ACER3: variants seen among roughly 807,000 people sequenced by gnomAD.
ACER3 encodes the protein alkaline ceramidase 3.
Under a neutral mutation model 48.9 loss-of-function variants are expected in ACER3, and 16 were observed. The ratio of observed to expected loss-of-function variants is 0.33; its 90% confidence interval spans 0.22 to 0.50. The LOEUF is 0.50. Ranked by LOEUF, ACER3 falls within the 20% of genes least tolerant of loss-of-function variation. ACER3 has a pLI of 0.98. For missense variants in ACER3, 227 were observed against 326.0 expected (o/e 0.70, Z 2.34); for synonymous variants, 109 against 107.8 (o/e 1.01, Z -0.07).
intron 1 of ACER3, among the ~76,000 whole-genome samples, chr11:76,885,529 AG>A (rs1172676656): frequency 6.6e-6 from 1 of 152,174 alleles, no homozygotes; most frequent in Non-Finnish European, 1.5e-5. Context: ...GGAAAGCACC[AG>A]GGTCAGTCGG....
At chr11:76,978,709 G>A (rs1948507533) in intron 4 of ACER3, 1 of 154,232 alleles carries the variant, frequency 6.5e-6, no homozygotes, top group African/African-American at 2.4e-5. Context: ...GAAGAGCTGT[G>A]GCCCTTCAGG....
At chr11:76,912,551 T>A (rs1259533215) in intron 1 of ACER3, among the ~76,000 whole-genome samples, 3 of 132,418 alleles carry the variant, frequency 2.3e-5, no homozygotes, top group Non-Finnish European at 5.2e-5. Flanking sequence ...TATGTGATAA[T>A]TTAAAAAAAT....
chr11:76,930,445 T>C (rs1260542332), intron 2 of ACER3, among the ~76,000 whole-genome samples: 1 of 152,020 alleles, frequency 6.6e-6, no homozygotes, highest in Non-Finnish European at 1.5e-5. Flanking sequence ...TTTTGAAGGG[T>C]TTTTTGTGTC....
In ACER3 at chr11:76,956,023, T is replaced by G. The variant is rs190482066; in HGVS notation, c.215-2956T>G. On this transcript the variant is annotated intron_variant, in intron 2 of 10. Transcript: ENST00000532485. ...AATCTGTACAGACAAAGTAGACTAATGATTGCCCAGGGCTGGAGGGGTTGA... is the reference window on the plus strand; with the variant it reads ...AATCTGTACAGACAAAGTAGACTAAGGATTGCCCAGGGCTGGAGGGGTTGA... Among the ~76,000 whole-genome samples the G allele has an allele frequency of 4.6e-5, 7 of 152,242 alleles. No individual in the cohort carries two copies. In the South Asian group the frequency reaches 8.3e-4, roughly 18 times the overall value.
chr11:76,959,526 G>GT (rs946431794), intron 3 of ACER3, among the ~76,000 whole-genome samples: 6 of 150,388 alleles, frequency 4.0e-5, no homozygotes, highest in African/African-American at 7.3e-5. Context: ...ACATTATAAG[G>GT]TTTTTTTTTG....
intron 1 of ACER3, among the ~76,000 whole-genome samples, chr11:76,877,024 T>C (rs1012051508): frequency 2.6e-5 from 4 of 152,196 alleles, no homozygotes; most frequent in Admixed American, 6.5e-5. Flanking sequence ...GTATGTCATA[T>C]TATACCATGC....
At position 76,921,689 on chromosome 11, in the gene ACER3, T is replaced by A. The variant is rs1334455755; in HGVS notation, c.104-4868T>A. 7.9e-5 allele frequency among the ~76,000 whole-genome samples: 12 copies of A among 152,310 alleles called. No individual in the cohort carries two copies. In the East Asian group the frequency reaches 2.1e-3, roughly 27 times the overall value. On this transcript the variant is annotated intron_variant, in intron 1 of 10. Transcript: ENST00000532485. Reference sequence around the variant, plus strand: ...CATATAAAGTTAAGAGTCAGCTTTTTAATTTGTACCCAAAACCATTTGGGA... The same window carrying A: ...CATATAAAGTTAAGAGTCAGCTTTTAAATTTGTACCCAAAACCATTTGGGA...
At chr11:76,970,588 A>G (rs543316304) in intron 3 of ACER3, among the ~76,000 whole-genome samples, 61 of 152,310 alleles carry the variant, frequency 4.0e-4, no homozygotes, top group African/African-American at 1.3e-3. Flanking sequence ...AGACACTTAA[A>G]AAAATTGAAT....
At chr11:76,990,861 C>A (rs1375797707) in intron 6 of ACER3, among the ~76,000 whole-genome samples, 5 of 152,146 alleles carry the variant, frequency 3.3e-5, no homozygotes, top group Admixed American at 3.3e-4. Context: ...AACCAGGAAG[C>A]ATTATGCACA....
chr11:76,987,513 T>G (rs968320313), intron 5 of ACER3, among the ~76,000 whole-genome samples: 1 of 152,160 alleles, frequency 6.6e-6, no homozygotes, highest in Non-Finnish European at 1.5e-5. Context: ...AAGATTGAGG[T>G]GCCTGACATT....
chr11:76,978,011 C>T (rs1047860774), intron 4 of ACER3, among the ~76,000 whole-genome samples: 1 of 152,182 alleles, frequency 6.6e-6, no homozygotes. Flanking sequence ...CTGCCACCTC[C>T]GCCCCCTCTG....
At chr11:76,969,445 G>GTATA (rs1347388470) in intron 3 of ACER3, among the ~76,000 whole-genome samples, 1 of 152,084 alleles carries the variant, frequency 6.6e-6, no homozygotes, top group Non-Finnish European at 1.5e-5. Flanking sequence ...CCATTATTGG[G>GTATA]TATATACTCA....
chr11:76,867,211 G>A (rs1410712904), intron 1 of ACER3, among the ~76,000 whole-genome samples: 1 of 152,144 alleles, frequency 6.6e-6, no homozygotes, highest in Non-Finnish European at 1.5e-5. Context: ...GCTCATGCCT[G>A]TAATCCCAGC....
chr11:76,924,163 T>A (rs1285304675), intron 1 of ACER3, among the ~76,000 whole-genome samples: 2 of 152,028 alleles, frequency 1.3e-5, no homozygotes, highest in Admixed American at 6.6e-5. Flanking sequence ...CCTCCATTTG[T>A]TTCTTGGTTT....
intron 2 of ACER3, among the ~76,000 whole-genome samples, chr11:76,939,569 C>G (rs1219531414): frequency 3.9e-5 from 6 of 152,104 alleles, no homozygotes; most frequent in Non-Finnish European, 8.8e-5. Flanking sequence ...GCACTCTAGC[C>G]TGGGTGACAG....
intron 2 of ACER3, among the ~76,000 whole-genome samples, chr11:76,933,827 CGG>C (rs1947087011): frequency 6.6e-6 from 1 of 150,720 alleles, no homozygotes. Flanking sequence ...GGCTGCCGGG[CGG>C]AGGGGCTCCT....
intron 1 of ACER3, among the ~76,000 whole-genome samples, chr11:76,870,627 C>T (rs1169959320): frequency 6.6e-6 from 1 of 152,116 alleles, no homozygotes. Context: ...AAATTTCTTT[C>T]ATGGGTGCCA....
At chr11:76,942,677 G>C (rs1947367979) in intron 2 of ACER3, among the ~76,000 whole-genome samples, 2 of 152,030 alleles carry the variant, frequency 1.3e-5, no homozygotes, top group Middle Eastern at 3.4e-3. Flanking sequence ...TCTGGTTTTG[G>C]TATCATGGTG....
intron 1 of ACER3, among the ~76,000 whole-genome samples, chr11:76,877,598 G>A (rs1945415950): frequency 6.6e-6 from 1 of 151,878 alleles, no homozygotes. Context: ...CACTAGAGTT[G>A]ATCTAATTAA....
Sources: allele counts gnomAD v4.1 joint callset (sites outside exome capture counted in the v4.1 genomes callset), GRCh38; gene constraint gnomAD v4.1.1; transcripts MANE v1.5; gene names NCBI Gene and HGNC (gene_info 2026-07-23, HGNC 2026-07-21).